The following SOX6 variants were observed in gnomAD, a reference collection of about 807,000 sequenced individuals.
SOX6 encodes SRY-box transcription factor 6, also known as transcription factor SOX-6.
In SOX6, 11 loss-of-function variants were observed where a neutral mutation model predicts 97.8. The ratio of observed to expected loss-of-function variants is 0.11; its 90% CI spans 0.07 to 0.19. The LOEUF (loss-of-function observed/expected upper bound fraction) is 0.19. SOX6 is among the 10% of genes least tolerant of loss of function. SOX6 has a pLI of 1.00. For missense variants in SOX6, 810 were observed against 1,039.5 expected (o/e 0.78, Z 3.04); for synonymous variants, 360 against 371.4 (o/e 0.97, Z 0.35).
At chr11:15,983,385 C>T (rs2067038216) in intron 15 of SOX6, among the ~76,000 whole-genome samples, 1 of 152,070 alleles carries the variant, frequency 6.6e-6, no homozygotes, top group African/African-American at 2.4e-5. Flanking sequence ...AACTCATCAG[C>T]CACAGTTGTG....
chr11:16,651,756 A>C (rs979107838), intron 3 of SOX6, among the ~76,000 whole-genome samples: 2 of 152,156 alleles, frequency 1.3e-5, no homozygotes, highest in African/African-American at 4.8e-5. Context: ...TCAACATAGT[A>C]CTGGAAGTCC....
intron 4 of SOX6, among the ~76,000 whole-genome samples, chr11:16,584,025 A>C (rs1050446791): frequency 5.3e-5 from 8 of 152,122 alleles, no homozygotes; most frequent in African/African-American, 1.9e-4. Context: ...AGCAATTTAT[A>C]AGACAAAACT....
In SOX6 at chr11:16,666,829, A is replaced by G. The variant is rs143603051; in HGVS notation, n.429+48001T>C. 7.7e-3 allele frequency among the ~76,000 whole-genome samples: 1,171 copies of G among 152,278 alleles called. 14 individuals are homozygous for G. The highest frequency in any genetic ancestry group is 0.027 in the African/African-American group (1,117 of 41,566). ...AAGAAAATATAGAGTCAAAGGAGAC[A>G]AAAGAATAAAAAATAAGCATGCCTA... is the stretch of plus-strand genomic sequence containing the variant. On this transcript the variant is annotated intron_variant and non_coding_transcript_variant, in intron 3 of 5. Transcript: ENST00000524520.
intron 10 of SOX6, among the ~76,000 whole-genome samples, chr11:16,052,760 T>G (rs2133917305): frequency 6.6e-6 from 1 of 152,288 alleles, no homozygotes; most frequent in South Asian, 2.1e-4. Context: ...TTTCTAGACT[T>G]ACTTCTAAGC....
intron 12 of SOX6, among the ~76,000 whole-genome samples, chr11:16,026,029 T>C (rs1855208412): frequency 1.3e-5 from 2 of 152,112 alleles, no homozygotes; most frequent in Non-Finnish European, 2.9e-5. Flanking sequence ...ATCCAGAACA[T>C]GCCTCTCAGC....
chr11:16,320,516 A>G (rs753738951), intron 2 of SOX6, among the ~76,000 whole-genome samples: 14 of 152,150 alleles, frequency 9.2e-5, no homozygotes, highest in Admixed American at 4.6e-4. Flanking sequence ...TAATGAGATT[A>G]TATTTGTAAG....
chr11:16,539,466 G>T (rs1239994022), intron 4 of SOX6, among the ~76,000 whole-genome samples: 1 of 152,076 alleles, frequency 6.6e-6, no homozygotes. Context: ...ATATAACTAA[G>T]ATCGGAGCAG....
At chr11:15,981,265 TA>T (rs1853647780) in intron 15 of SOX6, among the ~76,000 whole-genome samples, 1 of 152,086 alleles carries the variant, frequency 6.6e-6, no homozygotes, top group Non-Finnish European at 1.5e-5. Context: ...TGGATGTTTG[TA>T]AAAGTATATA....
intron 9 of SOX6, among the ~76,000 whole-genome samples, chr11:16,072,176 C>G (rs1293168207): frequency 3.9e-5 from 6 of 151,998 alleles, no homozygotes; most frequent in African/African-American, 1.4e-4. Context: ...AAGTCAAAAC[C>G]CAATCCAAGG....
At position 16,428,500 on chromosome 11, in the gene SOX6, A is replaced by G. The variant is rs1055964879; in HGVS notation, c.-5+47815T>C. Among the ~76,000 whole-genome samples the G allele has an allele frequency of 1.3e-3, 196 of 152,156 alleles. 1 individual carries two copies. Among genetic ancestry groups the G allele is most frequent in the Non-Finnish European group, 2.1e-3 (142 of 67,962 alleles). On this transcript the variant is annotated intron_variant, in intron 1 of 15. Coordinates refer to the SOX6 transcript ENST00000396356. ...TTTAATCCATCTTGAATTAATTTTT[A>G]TATAAGGTGTAAGGAAGGGATCCAG...
intron 1 of SOX6, among the ~76,000 whole-genome samples, chr11:16,428,846 T>C (rs1859210872): frequency 6.6e-6 from 1 of 152,222 alleles, no homozygotes; most frequent in Non-Finnish European, 1.5e-5. Flanking sequence ...AATGTAGTTT[T>C]TTCCAATTCT....
chr11:16,475,016 T>C (rs1453226092), intron 1 of SOX6, among the ~76,000 whole-genome samples: 2 of 152,212 alleles, frequency 1.3e-5, no homozygotes, highest in Admixed American at 1.3e-4. Flanking sequence ...AGACTGCTAT[T>C]TTCCTTAAAC....
chr11:16,620,369 T>C (rs1195769360), intron 3 of SOX6, among the ~76,000 whole-genome samples: 2 of 152,236 alleles, frequency 1.3e-5, no homozygotes, highest in African/African-American at 4.8e-5. Flanking sequence ...TTTTTTCATA[T>C]GAGTATATGT....
At chr11:16,031,013 C>T (rs554140313) in intron 12 of SOX6, among the ~76,000 whole-genome samples, 2 of 152,216 alleles carry the variant, frequency 1.3e-5, no homozygotes, top group African/African-American at 4.8e-5. Context: ...GACTTTGTGG[C>T]CATTAGCATC....
At chr11:15,998,995 G>GAATATTT (rs1193940092) in intron 13 of SOX6, among the ~76,000 whole-genome samples, 1 of 151,766 alleles carries the variant, frequency 6.6e-6, no homozygotes, top group Non-Finnish European at 1.5e-5. Context: ...AGCACATACT[G>GAATATTT]GAAAAAATAT....
chr11:16,630,736 A>G (rs374861175), intron 3 of SOX6, among the ~76,000 whole-genome samples: 16 of 152,296 alleles, frequency 1.1e-4, no homozygotes, highest in African/African-American at 3.4e-4. Context: ...TCATAGGTCT[A>G]GAAGTACTTG....
chr11:16,365,697 C>T (rs1857340056), intron 1 of SOX6, among the ~76,000 whole-genome samples: 1 of 152,002 alleles, frequency 6.6e-6, no homozygotes, highest in Admixed American at 6.6e-5. Flanking sequence ...GTGAAAATGC[C>T]AAATGTATAG....
At chr11:16,728,893 T>C (rs767221283) in intron 2 of SOX6, among the ~76,000 whole-genome samples, 1 of 152,052 alleles carries the variant, frequency 6.6e-6, no homozygotes, top group Non-Finnish European at 1.5e-5. Flanking sequence ...CATAAATGAA[T>C]GGATGGAGCT....
intron 4 of SOX6, among the ~76,000 whole-genome samples, chr11:16,536,856 T>C (rs901440072): frequency 6.6e-6 from 1 of 152,172 alleles, no homozygotes; most frequent in African/African-American, 2.4e-5. Flanking sequence ...CTCTATAGGC[T>C]CCACCACTGT....
Sources: allele counts gnomAD v4.1 joint callset (sites outside exome capture counted in the v4.1 genomes callset), GRCh38; gene constraint gnomAD v4.1.1; transcripts MANE v1.5; gene names NCBI Gene and HGNC (gene_info 2026-07-23, HGNC 2026-07-21).